The following CNOT1 variants were observed in gnomAD, a reference collection of about 807,000 sequenced individuals.
The protein encoded by CNOT1 is CCR4-associated factor 1.
Under a neutral mutation model 273.8 loss-of-function variants are expected in CNOT1, and 15 were observed. The ratio of observed to expected loss-of-function variants is 0.05; its 90% CI spans 0.04 to 0.08. The LOEUF is 0.08. Ranked by LOEUF, CNOT1 falls within the 10% of genes least tolerant of loss-of-function variation. CNOT1 has a pLI of 1.00. For missense variants in CNOT1, 1,644 were observed against 2,912.2 expected (o/e 0.56, Z 10.02); for synonymous variants, 1,022 against 1,005.5 (o/e 1.02, Z -0.31).
chr16:58,597,058 T>C (rs369161500), intron 2 of CNOT1, among the ~76,000 whole-genome samples: 15 of 150,780 alleles, frequency 9.9e-5, no homozygotes, highest in East Asian at 7.8e-4. Context: ...ATTTCTTTTT[T>C]ATCAACTGGT....
intron 25 of CNOT1, among the ~76,000 whole-genome samples, chr16:58,548,841 A>G (rs2040347514): frequency 1.3e-5 from 2 of 152,262 alleles, no homozygotes; most frequent in East Asian, 1.9e-4. Flanking sequence ...TTTAGAGTCT[A>G]AAGATATCTT....
chr16:58,587,504 A>C (rs1011195026), intron 4 of CNOT1, 91 bp from the exon 5 acceptor site: 82 of 1,542,786 alleles, frequency 5.3e-5, no homozygotes, highest in Non-Finnish European at 6.8e-5. Context: ...ATGGCACTAC[A>C]TAGGAGTTGC....
chr16:58,564,349 TAAAAAGAAACTGTTCC>T (rs898522970), intron 16 of CNOT1, among the ~76,000 whole-genome samples: 6 of 130,216 alleles, frequency 4.6e-5, no homozygotes, highest in African/African-American at 1.5e-4. Flanking sequence ...ACCACTAAAT[TAAAAAGAAACTGTTCC>T]AAAAAGACCA....
At chr16:58,622,859 AAAAG>A (rs534594702) in intron 1 of CNOT1, among the ~76,000 whole-genome samples, 516 of 151,912 alleles carry the variant, frequency 3.4e-3, no homozygotes, top group Admixed American at 0.011. Context: ...AAAAAAAAAA[AAAAG>A]AAAGAAAGAA....
Position 58,534,405 on chromosome 16 carries a change from G to T in CNOT1, c.5647-10C>A. ...TTCCTTGCTGGTGCATCTACAACAGGAACAAAAAATAAAGACACAATGAGG... is the reference window on the plus strand; with the variant it reads ...TTCCTTGCTGGTGCATCTACAACAGTAACAAAAAATAAAGACACAATGAGG... On this transcript the variant is annotated splice_polypyrimidine_tract_variant and intron_variant, in intron 39 of 48. Coordinates refer to ENST00000317147, the MANE Select transcript of CNOT1 (RefSeq NM_016284.5). The T allele has an allele frequency of 1.2e-6, 2 of 1,607,068 alleles. No individual in the cohort carries two copies. The highest frequency in any genetic ancestry group is 2.2e-5 in the South Asian group (2 of 90,334).
Position 58,539,780 on chromosome 16 carries a change from T to C in CNOT1, c.4980A>G (p.Gly1660=). 1 of 1,613,318 alleles carries C rather than the reference T, an allele frequency of 6.2e-7. No homozygotes were observed. Among genetic ancestry groups the C allele is most frequent in the South Asian group, 1.1e-5 (1 of 90,944 alleles). Residue 1660 remains glycine, a synonymous_variant, in exon 35 of 49, where the codon GGA becomes GGG. Transcript: ENST00000317147. ...CTTAAGAACCAACCTTTTGGAGCAA[T>C]CCAAGAGCAGCTATGGCATCCCGAG... is the stretch of plus-strand genomic sequence containing the variant. ...RNSRDAIAAL[G]LLQKAVEGLL...
chr16:58,521,385 C>A (rs2039362760), intron 47 of CNOT1, 68 bp from the exon 48 acceptor site: 1 of 1,495,860 alleles, frequency 6.7e-7, no homozygotes, highest in South Asian at 1.3e-5. Flanking sequence ...TCTTCCATTA[C>A]TTTTTTTCTA....
At chr16:58,584,610 G>A (rs887818416) in intron 8 of CNOT1, among the ~76,000 whole-genome samples, 3 of 152,222 alleles carry the variant, frequency 2.0e-5, no homozygotes, top group Admixed American at 6.5e-5. Context: ...GGGATTACAG[G>A]TATGAGCCAC....
rs1002447149 is a variant in CNOT1, at chr16:58,587,130, A to T, written c.433+71T>A. On this transcript the variant is annotated intron_variant, in intron 6 of 48. Coordinates refer to ENST00000317147, the MANE Select transcript of CNOT1 (RefSeq NM_016284.5). Reference sequence around the variant, plus strand: ...ATCTTACTCTCTAAGTCTAAATCACAGAGCCTCATGATTAAAAACCCACGT... The same window carrying T: ...ATCTTACTCTCTAAGTCTAAATCACTGAGCCTCATGATTAAAAACCCACGT... 126 of 1,542,080 alleles carry T rather than the reference A, an allele frequency of 8.2e-5. No homozygotes were observed. In the Admixed American group the frequency reaches 2.4e-3, roughly 30 times the overall value.
At chr16:58,605,320 T>C (rs1399877498) in intron 1 of CNOT1, among the ~76,000 whole-genome samples, 1 of 151,888 alleles carries the variant, frequency 6.6e-6, no homozygotes, top group African/African-American at 2.4e-5. Flanking sequence ...CTGGCCAACA[T>C]GGTGAAACCC....
At position 58,565,448 on chromosome 16, in the gene CNOT1, T is replaced by C. The variant is rs147278569; in HGVS notation, c.1980-5086A>G. Among the ~76,000 whole-genome samples, 21 of 152,300 alleles carry C rather than the reference T, an allele frequency of 1.4e-4. No individual in the cohort carries two copies. The East Asian group carries it at 3.1e-3, about 22-fold the overall frequency. On this transcript the variant is annotated intron_variant, in intron 16 of 48. Coordinates refer to ENST00000317147, the MANE Select transcript of CNOT1 (RefSeq NM_016284.5). ...ATATTTTCTATGAACAAAAACATTT[T>C]CCTACATAGCCATGTAAAATCAAAC...
At chr16:58,557,199 T>G (rs2040660707) in intron 18 of CNOT1, among the ~76,000 whole-genome samples, 1 of 152,240 alleles carries the variant, frequency 6.6e-6, no homozygotes, top group African/African-American at 2.4e-5. Flanking sequence ...AATCCCCAAA[T>G]TTCTTTAGCA....
chr16:58,578,034 T>G (rs1454630543), intron 13 of CNOT1, among the ~76,000 whole-genome samples: 8 of 152,246 alleles, frequency 5.3e-5, no homozygotes, highest in Non-Finnish European at 1.0e-4. Context: ...AAAATTGCTC[T>G]GTGATCTCTC....
At position 58,547,076 on chromosome 16, in the gene CNOT1, A is replaced by C; in HGVS notation, c.3750+110T>G. ...ATCCAAGTGCCATAGAGGAAAACAG[A>C]CTTAACTAGCTTTACCTCACAAGAA... On this transcript the variant is annotated intron_variant, in intron 27 of 48. Coordinates refer to ENST00000317147, the MANE Select transcript of CNOT1 (RefSeq NM_016284.5). This position sits in a 1 kb window ranked among gnomAD's most constrained non-coding sequence, Gnocchi z 4.0. 2.8e-6 allele frequency: 4 copies of C among 1,409,396 alleles called. No homozygotes were observed. Among genetic ancestry groups the C allele is most frequent in the Non-Finnish European group, 3.8e-6 (4 of 1,057,084 alleles). 87.3% of individuals were successfully genotyped at this position (1,409,396 alleles called of 1,614,324 possible). A position where few individuals can be genotyped will look rare whatever the true frequency, so the allele number is the denominator to read the frequency against.
Position 58,578,858 on chromosome 16 carries a change from G to A in CNOT1, c.1425C>T (p.Phe475=). 6.2e-7 allele frequency: 1 copy of A among 1,614,170 alleles called. No individual in the cohort carries two copies. Among genetic ancestry groups the A allele is most frequent in the African/African-American group, 1.3e-5 (1 of 75,052 alleles). ...QYEQVKQLFS[F]PIKHCPDMLV... Reference sequence around the variant, plus strand: ...GCATGTCTGGACAGTGTTTGATAGGGAAGCTGAAGAGCTGTTTGACTTGCT... The same window carrying A: ...GCATGTCTGGACAGTGTTTGATAGGAAAGCTGAAGAGCTGTTTGACTTGCT... The change falls in exon 13 of 49, where the codon TTC becomes TTT. Residue 475 remains phenylalanine (F), a synonymous_variant. Transcript: ENST00000317147.
Position 58,587,187 on chromosome 16 carries a change from A to C in CNOT1, c.433+14T>G, listed in dbSNP as rs745842320. ...AAGTCTCACTTCGTGATATTTTTGG[A>C]AAAAGTAACTCACCGAAACCTCTAA... On this transcript the variant is annotated intron_variant, in intron 6 of 48. Transcript: ENST00000317147. The C allele has an allele frequency of 1.2e-6, 2 of 1,608,364 alleles. No individual in the cohort carries two copies. The highest frequency in any genetic ancestry group is 3.4e-5 in the Admixed American group (2 of 58,068).
At position 58,559,452 on chromosome 16, in the gene CNOT1, C is replaced by T. The variant is rs144017846; in HGVS notation, c.2130+760G>A. On this transcript the variant is annotated intron_variant, in intron 17 of 48. Transcript: ENST00000317147. ...AAATAAAAGTATTAGAAATTAGAAA[C>T]GAATCTCCCAAAATAAATTTAGTCG... is the stretch of plus-strand genomic sequence containing the variant. Among the ~76,000 whole-genome samples, 612 of 152,168 alleles carry T rather than the reference C, an allele frequency of 4.0e-3. 7 individuals are homozygous for T. Among genetic ancestry groups the T allele is most frequent in the East Asian group, 0.012 (62 of 5,184 alleles).
intron 16 of CNOT1, among the ~76,000 whole-genome samples, chr16:58,566,969 A>T (rs941629720): frequency 3.9e-5 from 6 of 152,090 alleles, no homozygotes; most frequent in African/African-American, 1.4e-4. Context: ...TATTAGAGGC[A>T]CGTTTCTCTC....
intron 22 of CNOT1, among the ~76,000 whole-genome samples, chr16:58,552,884 T>C (rs566276946): frequency 6.6e-6 from 1 of 152,302 alleles, no homozygotes; most frequent in Admixed American, 6.5e-5. Context: ...ACTGAAACAA[T>C]GCTTCTCAAA....
Sources: allele counts gnomAD v4.1 joint callset (sites outside exome capture counted in the v4.1 genomes callset), GRCh38; gene constraint gnomAD v4.1.1; non-coding constraint Gnocchi (gnomAD v3.1); transcripts MANE v1.5; gene names NCBI Gene and HGNC (gene_info 2026-07-23, HGNC 2026-07-21).